Variants in TNS3 observed in about 807,000 individuals in gnomAD.
TNS3 encodes tensin 3.
In TNS3, 45 loss-of-function variants were observed where a neutral mutation model predicts 140.9. The ratio of observed to expected loss-of-function variants is 0.32; its 90% confidence interval spans 0.25 to 0.41. The LOEUF (loss-of-function observed/expected upper bound fraction) is 0.41, where lower values mean the gene tolerates loss of function less well. Among genes scored for constraint, TNS3 ranks in the 10% least tolerant of loss-of-function variants. The pLI is 1.00. For synonymous variants in TNS3, 815 were observed against 788.4 expected (o/e 1.03, Z -0.56); for missense variants, 1,716 against 1,906.7 (o/e 0.90, Z 1.86).
intron 27 of TNS3, among the ~76,000 whole-genome samples, chr7:47,288,441 T>C (rs923457161): frequency 4.2e-4 from 64 of 152,360 alleles, no homozygotes; most frequent in African/African-American, 1.5e-3. Flanking sequence ...GTTTTCAAAA[T>C]TTCAAATACA....
intron 1 of TNS3, among the ~76,000 whole-genome samples, chr7:47,536,641 G>A (rs1454212124): frequency 3.9e-5 from 6 of 152,190 alleles, no homozygotes. Flanking sequence ...GAGTTAGAAA[G>A]AGCTAAGCCT....
intron 1 of TNS3, among the ~76,000 whole-genome samples, chr7:47,540,649 C>T (rs1391858550): frequency 1.3e-5 from 2 of 152,324 alleles, no homozygotes; most frequent in Admixed American, 6.5e-5. Flanking sequence ...GGAGGGGGCA[C>T]GGAGTCCACA....
intron 3 of TNS3, among the ~76,000 whole-genome samples, chr7:47,489,128 A>T (rs1797717398): frequency 6.6e-6 from 1 of 152,152 alleles, no homozygotes; most frequent in Admixed American, 6.5e-5. Context: ...GTCAAAGCCC[A>T]ATTTAGCCTG....
At position 47,302,285 on chromosome 7, in the gene TNS3, A is replaced by C; in HGVS notation, c.3458-13T>G. ...TCACCTGGACTATCTGTAAAGCAAAATTTAAAAACAGTGACCATGATGGGC... is the reference window on the plus strand; with the variant it reads ...TCACCTGGACTATCTGTAAAGCAAACTTTAAAAACAGTGACCATGATGGGC... On this transcript the variant is annotated splice_polypyrimidine_tract_variant and intron_variant, in intron 22 of 30. Coordinates refer to ENST00000311160, the MANE Select transcript of TNS3 (RefSeq NM_022748.12). The C allele has an allele frequency of 6.2e-7, 1 of 1,609,278 alleles. No homozygotes were observed. The highest frequency in any genetic ancestry group is 8.5e-7 in the Non-Finnish European group (1 of 1,175,538).
chr7:47,551,716 A>G (rs963545925), intron 1 of TNS3, among the ~76,000 whole-genome samples: 2 of 152,252 alleles, frequency 1.3e-5, no homozygotes, highest in Admixed American at 6.5e-5. Flanking sequence ...CACCCCACAC[A>G]GGCAAAGTTA....
At chr7:47,578,503 A>C (rs1195323934) in intron 1 of TNS3, among the ~76,000 whole-genome samples, 1 of 143,418 alleles carries the variant, frequency 7.0e-6, no homozygotes, top group Non-Finnish European at 1.5e-5. Flanking sequence ...CGAGGGTAGG[A>C]GGCAACAGGT....
chr7:47,399,552 T>C (rs1217698680), intron 15 of TNS3, among the ~76,000 whole-genome samples: 1 of 152,132 alleles, frequency 6.6e-6, no homozygotes, highest in African/African-American at 2.4e-5. Flanking sequence ...CAACAAAGCA[T>C]ATAAAAACAT....
At chr7:47,502,035 C>T (rs1798246267) in intron 3 of TNS3, among the ~76,000 whole-genome samples, 2 of 152,184 alleles carry the variant, frequency 1.3e-5, no homozygotes, top group Non-Finnish European at 1.5e-5. Flanking sequence ...TAAAGTCACC[C>T]ACACAAACCT....
intron 1 of TNS3, among the ~76,000 whole-genome samples, chr7:47,564,355 T>G (rs578125672): frequency 6.6e-6 from 1 of 150,678 alleles, no homozygotes; most frequent in Admixed American, 6.6e-5. Flanking sequence ...GACTGCAACC[T>G]TGCTGGGCGT....
At chr7:47,578,562 G>T (rs1047492685) in intron 1 of TNS3, among the ~76,000 whole-genome samples, 4 of 152,042 alleles carry the variant, frequency 2.6e-5, no homozygotes, top group East Asian at 1.9e-4. Context: ...AGGGGGTTGG[G>T]GGGGGGCGGT....
At chr7:47,394,089 C>T (rs1188893833) in intron 16 of TNS3, among the ~76,000 whole-genome samples, 1 of 152,200 alleles carries the variant, frequency 6.6e-6, no homozygotes, top group African/African-American at 2.4e-5. Flanking sequence ...AAAAATACAC[C>T]AATGGGAATT....
At chr7:47,386,382 T>C (rs1432121889) in intron 16 of TNS3, among the ~76,000 whole-genome samples, 11 of 152,238 alleles carry the variant, frequency 7.2e-5, no homozygotes, top group Non-Finnish European at 1.2e-4. Context: ...TGGCTTTCCC[T>C]GCACTTCGCA....
At chr7:47,434,227 A>T (rs1318260886) in intron 8 of TNS3, among the ~76,000 whole-genome samples, 4 of 151,842 alleles carry the variant, frequency 2.6e-5, no homozygotes, top group African/African-American at 9.7e-5. Flanking sequence ...GTCTAATATA[A>T]CTCAAAGGGA....
chr7:47,394,766 T>C (rs1792729484), intron 16 of TNS3, among the ~76,000 whole-genome samples: 1 of 152,244 alleles, frequency 6.6e-6, no homozygotes. Flanking sequence ...TCTATATGTT[T>C]TCTACATAAA....
At chr7:47,477,476 G>A (rs1318819353) in intron 4 of TNS3, among the ~76,000 whole-genome samples, 1 of 152,178 alleles carries the variant, frequency 6.6e-6, no homozygotes, top group Admixed American at 6.5e-5. Flanking sequence ...AGAGGGGCCT[G>A]CAGGGGCACT....
At chr7:47,500,123 T>C (rs901472765) in intron 3 of TNS3, among the ~76,000 whole-genome samples, 7 of 152,116 alleles carry the variant, frequency 4.6e-5, no homozygotes, top group African/African-American at 1.7e-4. Flanking sequence ...TTGGCAAACA[T>C]AGGTGGAGAC....
intron 17 of TNS3, among the ~76,000 whole-genome samples, chr7:47,362,828 C>T (rs1306521370): frequency 6.6e-6 from 1 of 150,976 alleles, no homozygotes; most frequent in East Asian, 2.0e-4. Context: ...ACAGTCATAA[C>T]CATCATCACT....
chr7:47,422,733 G>C (rs1794441059), intron 10 of TNS3, among the ~76,000 whole-genome samples: 3 of 151,964 alleles, frequency 2.0e-5, no homozygotes, highest in Non-Finnish European at 4.4e-5. Flanking sequence ...AAAAAGAAAA[G>C]ACGACAGCTG....
At chr7:47,437,742 G>T (rs540912851) in intron 6 of TNS3, among the ~76,000 whole-genome samples, 2 of 82,334 alleles carry the variant, frequency 2.4e-5, no homozygotes, top group African/African-American at 5.0e-5. Flanking sequence ...CCAACATATA[G>T]GATACACACA....
Sources: gnomAD v4.1 joint callset for allele counts (sites outside exome capture counted in the v4.1 genomes callset) on GRCh38, gnomAD v4.1.1 for gene constraint, MANE v1.5 for transcripts, NCBI Gene and HGNC (gene_info 2026-07-23, HGNC 2026-07-21) for gene names.